Variants in SLC25A42 observed in about 807,000 individuals in gnomAD.
SLC25A42 encodes the protein mitochondrial coenzyme A transporter SLC25A42.
Under a neutral mutation model 34.7 loss-of-function variants are expected in SLC25A42, and 19 were observed. That is an observed-to-expected ratio of 0.55 (90% CI 0.38 to 0.80). SLC25A42 has a LOEUF of 0.80. Among genes scored for constraint, SLC25A42 ranks in the 30% least tolerant of loss-of-function variants. SLC25A42 has a pLI of 0.00. For missense variants in SLC25A42, 364 were observed against 441.3 expected, an observed-to-expected ratio of 0.82 and a Z score of 1.57; for synonymous variants, 205 against 191.2, an observed-to-expected ratio of 1.07 and a Z score of -0.59.
At chr19:19,104,632 A>C (rs2059816246) in intron 3 of SLC25A42, among the ~76,000 whole-genome samples, 1 of 152,166 alleles carries the variant, frequency 6.6e-6, no homozygotes, top group Admixed American at 6.5e-5. Context: ...GCTGAGACCC[A>C]AGTGCCTGGA....
intron 2 of SLC25A42, 140 bp from the exon 3 acceptor site, chr19:19,101,641 C>A: frequency 1.5e-6 from 1 of 688,976 alleles, no homozygotes; most frequent in Non-Finnish European, 2.4e-6. Flanking sequence ...TCACCCAGAA[C>A]CAAGCAAGGC....
chr19:19,088,734 G>A (rs2059722203), intron 1 of SLC25A42, among the ~76,000 whole-genome samples: 1 of 151,024 alleles, frequency 6.6e-6, no homozygotes. Context: ...TCCTGACCTT[G>A]TGATCCCCCC....
At chr19:19,106,233 C>G (rs2059826885) in intron 5 of SLC25A42, 36 bp from the exon 6 acceptor site, 1 of 1,569,592 alleles carries the variant, frequency 6.4e-7, no homozygotes, top group Non-Finnish European at 8.7e-7. Flanking sequence ...GCAACCCCCT[C>G]ACTGCCGTCT....
At chr19:19,102,404 G>A (rs1016048057) in intron 3 of SLC25A42, among the ~76,000 whole-genome samples, 2 of 152,064 alleles carry the variant, frequency 1.3e-5, no homozygotes, top group African/African-American at 2.4e-5. Context: ...GGGACTATGG[G>A]TGTGCTCCAC....
intron 2 of SLC25A42, among the ~76,000 whole-genome samples, chr19:19,100,724 G>T (rs1458568058): frequency 6.6e-6 from 1 of 152,160 alleles, no homozygotes; most frequent in African/African-American, 2.4e-5. Context: ...CTGGCTCTCT[G>T]TGTGGACCAG....
At chr19:19,079,340 G>A (rs1041511722) in intron 1 of SLC25A42, among the ~76,000 whole-genome samples, 2 of 152,078 alleles carry the variant, frequency 1.3e-5, no homozygotes, top group African/African-American at 4.8e-5. Flanking sequence ...ATAGGTGTGA[G>A]CCACCACACC....
At position 19,105,744 on chromosome 19, in the gene SLC25A42, C is replaced by A. The variant is rs2059823058; in HGVS notation, c.380+17C>A. The A allele has an allele frequency of 2.0e-6, 3 of 1,527,002 alleles. No individual in the cohort carries two copies. The highest frequency in any genetic ancestry group is 2.7e-6 in the Non-Finnish European group (3 of 1,130,514). 94.6% of individuals were successfully genotyped at this position (1,527,002 alleles called of 1,614,324 possible). A position where few individuals can be genotyped will look rare whatever the true frequency, so the allele number is the denominator to read the frequency against. On this transcript the variant is annotated intron_variant, in intron 5 of 7. Transcript: ENST00000318596. Reference sequence around the variant, plus strand: ...CCGTGGAGAGTGAGGCCCCGCCCCGCCCTGCCACAGAATCGCCCCGCCCAC... The same window carrying A: ...CCGTGGAGAGTGAGGCCCCGCCCCGACCTGCCACAGAATCGCCCCGCCCAC...
At chr19:19,080,788 T>G (rs2059677610) in intron 1 of SLC25A42, among the ~76,000 whole-genome samples, 1 of 151,770 alleles carries the variant, frequency 6.6e-6, no homozygotes, top group African/African-American at 2.4e-5. Context: ...GGCTTGGTGG[T>G]ACCTATCTGT....
intron 1 of SLC25A42, among the ~76,000 whole-genome samples, chr19:19,090,822 C>T (rs771604526): frequency 6.6e-6 from 1 of 152,178 alleles, no homozygotes; most frequent in Non-Finnish European, 1.5e-5. Context: ...TGACCTGCTT[C>T]TGGGGAGAAG....
chr19:19,090,385 C>A (rs1227709554), intron 1 of SLC25A42, among the ~76,000 whole-genome samples: 4 of 151,486 alleles, frequency 2.6e-5, no homozygotes, highest in Admixed American at 1.3e-4. Context: ...AAGATAAAAG[C>A]AGACAAATTT....
At chr19:19,072,499 T>C (rs545877819) in intron 1 of SLC25A42, among the ~76,000 whole-genome samples, 1 of 151,564 alleles carries the variant, frequency 6.6e-6, no homozygotes, top group Admixed American at 6.6e-5. Flanking sequence ...TGCCTCAGCC[T>C]CCTGAGTAGC....
chr19:19,098,114 C>G (rs1255560492), intron 2 of SLC25A42, among the ~76,000 whole-genome samples: 5 of 152,208 alleles, frequency 3.3e-5, no homozygotes. Flanking sequence ...GAAACTTCAA[C>G]CCCTCAGTGA....
At chr19:19,065,151 G>T (rs935162673) in intron 1 of SLC25A42, among the ~76,000 whole-genome samples, 1 of 152,128 alleles carries the variant, frequency 6.6e-6, no homozygotes, top group Non-Finnish European at 1.5e-5. Flanking sequence ...GGAAGGGACG[G>T]CCCCTCTGCC....
chr19:19,096,312 A>G, intron 2 of SLC25A42, 107 bp downstream of exon 2: 5 of 749,826 alleles, frequency 6.7e-6, no homozygotes, highest in Admixed American at 2.6e-5. Context: ...ACCCCCTCCA[A>G]ACAGGCTCAG....
intron 6 of SLC25A42, 57 bp downstream of exon 6, chr19:19,106,442 TC>T: frequency 7.0e-7 from 1 of 1,438,072 alleles, no homozygotes; most frequent in Non-Finnish European, 9.5e-7. Context: ...TCTCGGGGGC[TC>T]CCAGGTCGGA....
intron 2 of SLC25A42, among the ~76,000 whole-genome samples, chr19:19,099,302 C>T (rs1454309967): frequency 1.3e-5 from 2 of 152,098 alleles, no homozygotes; most frequent in Non-Finnish European, 2.9e-5. Context: ...CAATCTGTCC[C>T]TTTGAGGAAG....
chr19:19,096,070 C>T, intron 1 of SLC25A42, 21 bp from the exon 2 acceptor site: 1 of 1,494,700 alleles, frequency 6.7e-7, no homozygotes, highest in South Asian at 1.1e-5. Context: ...CGTATCTTAC[C>T]ACCTCCCCTT....
At position 19,111,160 on chromosome 19, in the gene SLC25A42, G is replaced by A; in HGVS notation, c.*284G>A. The A allele has an allele frequency of 2.0e-6, 1 of 497,946 alleles. No homozygotes were observed. The highest frequency in any genetic ancestry group is 2.2e-5 in the South Asian group (1 of 46,134). The allele number at this position is 497,946 out of a possible 1,614,324, so 30.8% of individuals were successfully genotyped here. ...GTCTGCCGGAGGTGTTGCCCAAAAG[G>A]CCCTAGTGGGGCGTGGTCAGCTCCA... On this transcript the variant is annotated 3_prime_UTR_variant, in exon 8 of 8. Transcript: ENST00000318596.
intron 1 of SLC25A42, among the ~76,000 whole-genome samples, chr19:19,074,703 GTGTGTGTGTGCGTGCGTGTA>G (rs769533980): frequency 1.7e-4 from 26 of 151,950 alleles, no homozygotes; most frequent in Non-Finnish European, 3.1e-4. Context: ...GTGTGAGAGA[GTGTGTGTGTGCGTGCGTGTA>G]TGTGTGTGTG....
Sources: gnomAD v4.1 joint callset for allele counts (sites outside exome capture counted in the v4.1 genomes callset) on GRCh38, gnomAD v4.1.1 for gene constraint, MANE v1.5 for transcripts, NCBI Gene and HGNC (gene_info 2026-07-23, HGNC 2026-07-21) for gene names.